The following SPTB variants were observed in gnomAD, a reference collection of about 807,000 sequenced individuals.
SPTB encodes the protein spectrin beta, erythrocytic, also known as spectrin beta chain, erythrocytic.
SPTB carries 45 observed loss-of-function variants against 256.2 expected under a neutral mutation model. The ratio of observed to expected loss-of-function variants is 0.18; its 90% CI spans 0.14 to 0.23. SPTB has a LOEUF of 0.23. Ranked by LOEUF, SPTB falls within the 10% of genes least tolerant of loss-of-function variation. SPTB has a pLI of 1.00. For missense variants in SPTB, 2,715 were observed against 3,040.4 expected, an observed-to-expected ratio of 0.89 and a Z score of 2.52; for synonymous variants, 1,231 against 1,243.1, an observed-to-expected ratio of 0.99 and a Z score of 0.21.
rs1246903236 is a variant in SPTB at position 64,826,695 on chromosome 14, C to T, written c.-51-3550G>A. Among the ~76,000 whole-genome samples, 1 of 152,174 alleles carries T rather than the reference C, an allele frequency of 6.6e-6. No individual in the cohort carries two copies. The highest frequency in any genetic ancestry group is 1.5e-5 in the Non-Finnish European group (1 of 68,030). Reference sequence around the variant, plus strand: ...ATTCCTTCTCTGAACCCACCTGACCCTCGTCAAAGTGTAGGTGGGTCTTCT... The same window carrying T: ...ATTCCTTCTCTGAACCCACCTGACCTTCGTCAAAGTGTAGGTGGGTCTTCT... On this transcript the variant is annotated intron_variant, in intron 1 of 35. Transcript: ENST00000644917. The surrounding 1 kb of genome is among the most constrained non-coding windows in gnomAD (Gnocchi z 4.4).
chr14:64,866,708 AC>A lies in SPTB; in HGVS notation c.-52+13083del, dbSNP rs1882203840. ...GTGAGTCCAGCCGTTGGTGAGGCTC[AC>A]TTTTTGTCCGGGTAAGGCAGAAATG... On this transcript the variant is annotated intron_variant, in intron 1 of 35. Transcript: ENST00000644917. This position sits in a 1 kb window ranked among gnomAD's most constrained non-coding sequence, Gnocchi z 4.6. Among the ~76,000 whole-genome samples the A allele has an allele frequency of 6.6e-6, 1 of 152,158 alleles. No homozygotes were observed. Among genetic ancestry groups the A allele is most frequent in the Non-Finnish European group, 1.5e-5 (1 of 68,032 alleles).
Position 64,794,601 on chromosome 14 carries a change from G to A in SPTB, c.1661C>T (p.Ala554Val). ...CTCCAACAAGTGCTTCCCAAACTCG[G>A]CAGACAAGAGGTGAGCCTGGCAAAG... is the stretch of plus-strand genomic sequence containing the variant. ...MDEIKAHLLSAEFGKHLLEVE... is the reference protein window; with the variant it reads ...MDEIKAHLLSVEFGKHLLEVE... Residue 554 changes from alanine (A) to valine (V), a missense_variant, in exon 13 of 36, where the codon GCC becomes GTC. Transcript: ENST00000644917. 1 of 1,614,128 alleles carries A rather than the reference G, an allele frequency of 6.2e-7. No homozygotes were observed. Among genetic ancestry groups the A allele is most frequent in the East Asian group, 2.2e-5 (1 of 44,864 alleles).
At chr14:64,838,958 C>A (rs566507423) in intron 1 of SPTB, among the ~76,000 whole-genome samples, 2 of 152,058 alleles carry the variant, frequency 1.3e-5, no homozygotes, top group East Asian at 1.9e-4. Context: ...AATGGTGGAA[C>A]CCCATCTCTA....
chr14:64,757,818 TAAG>T (rs920295579), intron 32 of SPTB, among the ~76,000 whole-genome samples: 141 of 150,922 alleles, frequency 9.3e-4, no homozygotes, highest in African/African-American at 2.9e-3. Context: ...GGTGAGGGAG[TAAG>T]GAGGACAGGG....
intron 1 of SPTB, among the ~76,000 whole-genome samples, chr14:64,840,827 G>A (rs1257495309): frequency 6.6e-6 from 1 of 152,188 alleles, no homozygotes; most frequent in Non-Finnish European, 1.5e-5. Context: ...AGGACAGAGA[G>A]GTGGATAGGG....
chr14:64,769,474 G>T lies in SPTB; in HGVS notation c.5937+116C>A, dbSNP rs1275744149. ...GTAGCCCCGATCTCCATGAGTGAGA[G>T]CAAGACAAGCTCCTCAGAAAAGCTG... On this transcript the variant is annotated intron_variant, in intron 28 of 35. Coordinates refer to ENST00000644917, the MANE Select transcript of SPTB (RefSeq NM_001355436.2). 2.1e-6 allele frequency: 3 copies of T among 1,402,724 alleles called. No individual in the cohort carries two copies. The South Asian group carries it at 3.7e-5, about 17-fold the overall frequency. The allele number at this position is 1,402,724 out of a possible 1,614,324, so 86.9% of individuals were successfully genotyped here.
At chr14:64,821,509 C>T (rs189296372) in intron 2 of SPTB, among the ~76,000 whole-genome samples, 4 of 152,340 alleles carry the variant, frequency 2.6e-5, no homozygotes, top group Admixed American at 2.6e-4. Context: ...CTCCCTCCAC[C>T]TGGATCGCCA....
At chr14:64,763,586 G>A (rs1039802562) in intron 32 of SPTB, among the ~76,000 whole-genome samples, 10 of 152,224 alleles carry the variant, frequency 6.6e-5, no homozygotes, top group African/African-American at 2.2e-4. Flanking sequence ...CTCCAGAGAA[G>A]GCTTTATAAG....
In SPTB at chr14:64,791,810, C is replaced by A; in HGVS notation, c.2713G>T (p.Asp905Tyr). Reference protein sequence around the residue: ...QEMKTLMTQIDGVNLAANSLV... With the variant: ...QEMKTLMTQIYGVNLAANSLV... Reference sequence around the variant, plus strand: ...CTGTTGGCAGCGAGGTTCACACCATCAATCTGAGTCATCAAGGTCTTCATC... The same window carrying A: ...CTGTTGGCAGCGAGGTTCACACCATAAATCTGAGTCATCAAGGTCTTCATC... The change falls in exon 15 of 36, where the codon GAT becomes TAT. Residue 905 changes from aspartate (D) to tyrosine (Y), a missense_variant. This residue lies in a region of SPTB where 2,239 missense variants were observed against 2,384.4 expected (regional missense o/e 0.94). Transcript: ENST00000644917. 6.2e-7 allele frequency: 1 copy of A among 1,614,184 alleles called. No individual in the cohort carries two copies. The highest frequency in any genetic ancestry group is 8.5e-7 in the Non-Finnish European group (1 of 1,180,030).
intron 20 of SPTB, among the ~76,000 whole-genome samples, chr14:64,781,101 A>G (rs2082462272): frequency 6.6e-6 from 1 of 152,246 alleles, no homozygotes. Context: ...TTCAATGTAA[A>G]ACCCAAAACT....
At chr14:64,872,738 G>A (rs1302511223) in intron 1 of SPTB, among the ~76,000 whole-genome samples, 1 of 152,200 alleles carries the variant, frequency 6.6e-6, no homozygotes, top group African/African-American at 2.4e-5. Flanking sequence ...TGCATGTCGT[G>A]GGAGGGACCC....
rs146705887 is a variant in SPTB, at chr14:64,752,007, T to C, written c.6602+1530A>G. On this transcript the variant is annotated intron_variant, in intron 33 of 35. Coordinates refer to ENST00000644917, the MANE Select transcript of SPTB (RefSeq NM_001355436.2). ...TACTCAGGAGGCTGAGGCAGGAGAA[T>C]CACTTGAATCTGGGAGGCGGAGGTT... is the stretch of plus-strand genomic sequence containing the variant. 9.0e-3 allele frequency among the ~76,000 whole-genome samples: 1,355 copies of C among 149,906 alleles called. 24 individuals are homozygous for C. Among genetic ancestry groups the C allele is most frequent in the African/African-American group, 0.032 (1,296 of 40,586 alleles).
Position 64,787,012 on chromosome 14 carries a change from G to A in SPTB, c.2953C>T (p.Arg985Trp), listed in dbSNP as rs371628390. The A allele has an allele frequency of 8.4e-5, 135 of 1,614,040 alleles. 3 individuals are homozygous for A. In the South Asian group the frequency reaches 1.0e-3, roughly 12 times the overall value. Residue 985 changes from arginine to tryptophan, a missense_variant, in exon 16 of 36, where the codon CGG becomes TGG. Arg to Trp is a moderately radical substitution (Grantham distance 101). This residue lies in a region of SPTB where 2,239 missense variants were observed against 2,384.4 expected (regional missense o/e 0.94). Coordinates refer to ENST00000644917, the MANE Select transcript of SPTB (RefSeq NM_001355436.2). The stretch of plus-strand genomic sequence containing the variant: ...ATGGCGATGATACCTGCCAGGTCCC[G>A]CCCCAGGTCTTTTGTGGACTCCACT... ...KVVESTKDLG[R>W]DLAGIIAIQR...
intron 20 of SPTB, 144 bp downstream of exon 20, chr14:64,782,146 G>A: frequency 8.4e-7 from 1 of 1,195,102 alleles, no homozygotes; most frequent in South Asian, 1.3e-5. Context: ...AATAATATGT[G>A]CAATAAACCC....
chr14:64,861,161 G>C (rs1400303584), intron 1 of SPTB, among the ~76,000 whole-genome samples: 2 of 152,058 alleles, frequency 1.3e-5, no homozygotes, highest in African/African-American at 2.4e-5. Flanking sequence ...AGAACGCATG[G>C]ACACAGAGAG....
chr14:64,867,854 T>C (rs1882281059), intron 1 of SPTB, among the ~76,000 whole-genome samples: 1 of 110,232 alleles, frequency 9.1e-6, no homozygotes, highest in Non-Finnish European at 1.7e-5. Flanking sequence ...AGGGTGACTC[T>C]GTCTCAAAAA....
At chr14:64,861,441 G>A (rs190929807) in intron 1 of SPTB, among the ~76,000 whole-genome samples, 22 of 152,194 alleles carry the variant, frequency 1.4e-4, no homozygotes, top group Admixed American at 5.2e-4. Context: ...GACAGGGCTC[G>A]GCAAGTGTTC....
At chr14:64,801,007 G>A in intron 7 of SPTB, 139 bp from the exon 8 acceptor site, 1 of 750,188 alleles carries the variant, frequency 1.3e-6, no homozygotes. Flanking sequence ...GAATGGAAGA[G>A]TGTGATGAAA....
chr14:64,791,395 A>T (rs538531354), intron 15 of SPTB, among the ~76,000 whole-genome samples: 148 of 152,088 alleles, frequency 9.7e-4, no homozygotes, highest in African/African-American at 3.4e-3. Flanking sequence ...GTGAAACCAC[A>T]TCTCTACTAA....
Sources: gnomAD v4.1 joint callset for allele counts (sites outside exome capture counted in the v4.1 genomes callset) on GRCh38, gnomAD v4.1.1 for gene constraint, gnomAD v4.1.1 regional missense constraint, Gnocchi (gnomAD v3.1) non-coding constraint, MANE v1.5 for transcripts, NCBI Gene and HGNC (gene_info 2026-07-23, HGNC 2026-07-21) for gene names.